The following PPP1R36 variants were observed in gnomAD, a reference collection of about 807,000 sequenced individuals.
The protein encoded by PPP1R36 is chromosome 14 open reading frame 50.
In PPP1R36, 47 loss-of-function variants were observed where a neutral mutation model predicts 53.4. The observed-to-expected ratio is 0.88, with a 90% confidence interval of 0.70 to 1.12. PPP1R36 has a LOEUF of 1.12. Ranked by LOEUF, PPP1R36 falls within the 50% of genes most tolerant of loss-of-function variation. The probability of loss-of-function intolerance (pLI) is 0.00; values close to 1 mark genes in which losing one functional copy is unlikely to be tolerated. For missense variants in PPP1R36, 456 were observed against 513.9 expected (o/e 0.89, Z 1.09); for synonymous variants, 153 against 170.5 (o/e 0.90, Z 0.80).
intron 3 of PPP1R36, among the ~76,000 whole-genome samples, chr14:64,557,542 C>G (rs1249575369): frequency 6.6e-6 from 1 of 152,094 alleles, no homozygotes; most frequent in Non-Finnish European, 1.5e-5. Flanking sequence ...ATTCAAATGT[C>G]CCCTGTTGTC....
intron 8 of PPP1R36, among the ~76,000 whole-genome samples, chr14:64,581,759 A>G (rs1208107459): frequency 6.6e-6 from 1 of 152,232 alleles, no homozygotes; most frequent in African/African-American, 2.4e-5. Flanking sequence ...TAGAACCAGC[A>G]GTTTGGGTGC....
In PPP1R36 at chr14:64,550,989, A is replaced by T; in HGVS notation, c.134+4A>T. 6.3e-7 allele frequency: 1 copy of T among 1,580,140 alleles called. No homozygotes were observed. The highest frequency in any genetic ancestry group is 8.7e-7 in the Non-Finnish European group (1 of 1,152,704). ...CCAGAACTCTTGAATTCAGAAGGTA[A>T]AATTTAACAACACTTTATTAGAGTT... On this transcript the variant is annotated splice_donor_region_variant and intron_variant, in intron 2 of 11. Coordinates refer to ENST00000298705, the MANE Select transcript of PPP1R36 (RefSeq NM_172365.3).
intron 2 of PPP1R36, chr14:64,551,742 T>G: frequency 2.2e-6 from 1 of 450,048 alleles, no homozygotes; most frequent in Non-Finnish European, 4.5e-6. Flanking sequence ...TAAAGCCCTT[T>G]TCATGTACTC....
At chr14:64,587,614 C>T (rs1365250253) in intron 10 of PPP1R36, among the ~76,000 whole-genome samples, 3 of 151,788 alleles carry the variant, frequency 2.0e-5, no homozygotes, top group African/African-American at 7.3e-5. Flanking sequence ...ACATGCGCCA[C>T]CACGCCTGGC....
chr14:64,563,080 G>A (rs1411094643), intron 3 of PPP1R36, among the ~76,000 whole-genome samples: 1 of 152,138 alleles, frequency 6.6e-6, no homozygotes, highest in African/African-American at 2.4e-5. Flanking sequence ...TGGTCAGGCT[G>A]GTCTCAAACT....
chr14:64,579,176 C>T (rs2080366657), intron 8 of PPP1R36, among the ~76,000 whole-genome samples: 1 of 152,098 alleles, frequency 6.6e-6, no homozygotes. Flanking sequence ...GAGCTTAATA[C>T]CTGAGCGATG....
In PPP1R36 at chr14:64,585,943, T is replaced by C. The variant is rs1275956489; in HGVS notation, c.669-894T>C. On this transcript the variant is annotated intron_variant, in intron 8 of 11. Coordinates refer to ENST00000298705, the MANE Select transcript of PPP1R36 (RefSeq NM_172365.3). ...TTGCGCCCATGCCAGTATAGTATTC[T>C]TTTTTTTTCTTTTTGAGATGGAGTC... Among the ~76,000 whole-genome samples, 3 of 151,092 alleles carry C rather than the reference T, an allele frequency of 2.0e-5. No homozygotes were observed. The East Asian group carries it at 5.8e-4, about 29-fold the overall frequency.
intron 3 of PPP1R36, among the ~76,000 whole-genome samples, chr14:64,564,220 T>A (rs2080230689): frequency 6.6e-6 from 1 of 152,216 alleles, no homozygotes; most frequent in African/African-American, 2.4e-5. Context: ...GATTGCTGTT[T>A]GGGAGGCAGG....
chr14:64,576,803 C>T (rs1433202923), intron 8 of PPP1R36, among the ~76,000 whole-genome samples: 3 of 152,170 alleles, frequency 2.0e-5, no homozygotes, highest in African/African-American at 7.2e-5. Flanking sequence ...TACATCCGTT[C>T]TGCAGCTTTC....
rs566639203 is a variant in PPP1R36 at position 64,560,524 on chromosome 14, G to A, written c.183-4227G>A. The stretch of plus-strand genomic sequence containing the variant: ...GATAAGACTGGAGGCAAGGAGATCA[G>A]TTAAGAAGCAGTTACAGAAACTCAG... On this transcript the variant is annotated intron_variant, in intron 3 of 11. Transcript: ENST00000298705. Among the ~76,000 whole-genome samples the A allele has an allele frequency of 2.0e-5, 3 of 152,152 alleles. No homozygotes were observed. In the East Asian group the frequency reaches 5.8e-4, roughly 29 times the overall value.
At chr14:64,569,023 T>TA (rs199743330) in intron 7 of PPP1R36, among the ~76,000 whole-genome samples, 2 of 151,912 alleles carry the variant, frequency 1.3e-5, no homozygotes, top group East Asian at 1.9e-4. Context: ...AGCATCCAAT[T>TA]AAAAAAAATC....
chr14:64,562,188 C>T (rs996382833), intron 3 of PPP1R36, among the ~76,000 whole-genome samples: 3 of 152,090 alleles, frequency 2.0e-5, no homozygotes, highest in East Asian at 1.9e-4. Flanking sequence ...TGGCTGGGCG[C>T]GGTGGCCCAC....
intron 8 of PPP1R36, among the ~76,000 whole-genome samples, chr14:64,580,181 G>T (rs753712602): frequency 6.6e-6 from 1 of 152,166 alleles, no homozygotes; most frequent in East Asian, 1.9e-4. Flanking sequence ...CATGCCTGTA[G>T]TTCCAGCCAC....
intron 3 of PPP1R36, among the ~76,000 whole-genome samples, chr14:64,557,459 A>G (rs1292224317): frequency 1.3e-5 from 2 of 152,202 alleles, no homozygotes; most frequent in Admixed American, 1.3e-4. Flanking sequence ...GATACAACTG[A>G]ATTACTATTT....
intron 3 of PPP1R36, among the ~76,000 whole-genome samples, chr14:64,558,228 C>T (rs1441665360): frequency 1.3e-5 from 2 of 152,050 alleles, no homozygotes; most frequent in Admixed American, 6.6e-5. Flanking sequence ...GTAGGGTATA[C>T]ATCAGATGAC....
intron 3 of PPP1R36, among the ~76,000 whole-genome samples, chr14:64,562,426 A>T (rs1181784975): frequency 1.3e-5 from 2 of 152,122 alleles, no homozygotes; most frequent in African/African-American, 4.8e-5. Context: ...ACGCCACTCC[A>T]GCCTAGGTGA....
At chr14:64,559,617 C>T (rs1256593616) in intron 3 of PPP1R36, 1 of 152,306 alleles carries the variant, frequency 6.6e-6, no homozygotes, top group Non-Finnish European at 1.5e-5. Flanking sequence ...TGGGCAAAGC[C>T]CAGACCTGCA....
intron 8 of PPP1R36, among the ~76,000 whole-genome samples, chr14:64,577,336 C>G (rs2080350508): frequency 6.6e-6 from 1 of 152,218 alleles, no homozygotes; most frequent in South Asian, 2.1e-4. Context: ...CAGCTCATTG[C>G]ACCATGCCTC....
chr14:64,565,089 T>A (rs1393712659), intron 4 of PPP1R36, among the ~76,000 whole-genome samples: 1 of 152,228 alleles, frequency 6.6e-6, no homozygotes, highest in Non-Finnish European at 1.5e-5. Context: ...AAATGATAGG[T>A]ACACCAGAAC....
Sources: gnomAD v4.1 joint callset for allele counts (sites outside exome capture counted in the v4.1 genomes callset) on GRCh38, gnomAD v4.1.1 for gene constraint, MANE v1.5 for transcripts, NCBI Gene and HGNC (gene_info 2026-07-23, HGNC 2026-07-21) for gene names.